The following FHOD1 variants were observed in gnomAD, a reference collection of about 807,000 sequenced individuals.
FHOD1 encodes the protein FH1/FH2 domain-containing protein 1.
FHOD1 carries 89 observed loss-of-function variants against 111.6 expected under a neutral mutation model. The observed-to-expected ratio is 0.80, with a 90% CI of 0.67 to 0.95. The LOEUF (loss-of-function observed/expected upper bound fraction) is 0.95, where lower values mean the gene tolerates loss of function less well. Among genes scored for constraint, FHOD1 ranks in the 40% least tolerant of loss-of-function variants. The pLI, the probability that FHOD1 is intolerant of heterozygous loss-of-function variation, is 0.00. For synonymous variants in FHOD1, 618 were observed against 639.0 expected, an observed-to-expected ratio of 0.97 and a Z score of 0.50; for missense variants, 1,446 against 1,554.2, an observed-to-expected ratio of 0.93 and a Z score of 1.17.
rs761208251 is a variant in FHOD1 at position 67,229,854 on chromosome 16, C to G, written c.3351G>C (p.Lys1117Asn). 9 of 1,614,220 alleles carry G rather than the reference C, an allele frequency of 5.6e-6. No individual in the cohort carries two copies. Among genetic ancestry groups the G allele is most frequent in the Non-Finnish European group, 6.8e-6 (8 of 1,180,032 alleles). ...TAGCAGCTAAGGCACGAGGACTGCTCTTGGTCACTGACTGCACCAGAAGGT... is the reference window on the plus strand; with the variant it reads ...TAGCAGCTAAGGCACGAGGACTGCTGTTGGTCACTGACTGCACCAGAAGGT... ...IMDLLVQSVT[K>N]SSPRALAARE... Residue 1117 changes from lysine (K) to asparagine (N), a missense_variant, in exon 21 of 22, where the codon AAG (lysine) becomes AAC (asparagine). Physicochemically the swap from Lys to Asn is moderately conservative, Grantham distance 94 (BLOSUM62 0). Transcript: ENST00000258201.
At chr16:67,243,478 T>G (rs2034723764) in intron 1 of FHOD1, among the ~76,000 whole-genome samples, 2 of 152,090 alleles carry the variant, frequency 1.3e-5, no homozygotes, top group East Asian at 3.9e-4. Flanking sequence ...CTTCCCAAAG[T>G]GCTGAGATTA....
rs1416777974 is a variant in FHOD1 at position 67,236,735 on chromosome 16, TGA to T, written c.1143-4_1143-3del. 1 of 1,462,282 alleles carries T rather than the reference TGA, an allele frequency of 6.8e-7. No homozygotes were observed. The highest frequency in any genetic ancestry group is 9.0e-7 in the Non-Finnish European group (1 of 1,105,434). The allele number at this position is 1,462,282 out of a possible 1,614,324, so 90.6% of individuals were successfully genotyped here. A position where few individuals can be genotyped will look rare whatever the true frequency, so the allele number is the denominator to read the frequency against. Reference sequence around the variant, plus strand: ...ACCGGTGAGGCGGGGCCTGTGGGGCTGAAAGCAGGGGCTGTCAGTGGGGCGGG... The same window carrying T: ...ACCGGTGAGGCGGGGCCTGTGGGGCTAAGCAGGGGCTGTCAGTGGGGCGGG... On this transcript the variant is annotated splice_region_variant and splice_polypyrimidine_tract_variant and intron_variant, in intron 10 of 21. Transcript: ENST00000258201.
In FHOD1 at chr16:67,231,663, T is replaced by C; in HGVS notation, c.2359A>G (p.Lys787Glu). The C allele has an allele frequency of 2.5e-6, 4 of 1,614,124 alleles. No homozygotes were observed. The highest frequency in any genetic ancestry group is 3.4e-6 in the Non-Finnish European group (4 of 1,180,004). ...LAARLQLWAF[K>E]LDYDSMEREI... Reference sequence around the variant, plus strand: ...CGCTCCATGCTGTCATAGTCCAGCTTGAAGGCCCAGAGTTGTAGACGAGCA... The same window carrying C: ...CGCTCCATGCTGTCATAGTCCAGCTCGAAGGCCCAGAGTTGTAGACGAGCA... Residue 787 changes from lysine to glutamate, a missense_variant, in exon 15 of 22, where the codon AAG becomes GAG. By Grantham distance (56) the Lys-to-Glu change is moderately conservative (BLOSUM62 1). Transcript: ENST00000258201. This position sits in a 1 kb window ranked among gnomAD's most constrained non-coding sequence, Gnocchi z 4.3.
intron 2 of FHOD1, 68 bp downstream of exon 2, chr16:67,239,280 C>T: frequency 1.6e-6 from 2 of 1,223,492 alleles, no homozygotes; most frequent in Non-Finnish European, 2.4e-6. Flanking sequence ...GTCTCAGCTG[C>T]TGACATTTGA....
chr16:67,229,975 C>T lies in FHOD1; in HGVS notation c.3230G>A (p.Ser1077Asn). ...NRRSRGMVQSSSPIMPTVGPS... is the reference protein window; with the variant it reads ...NRRSRGMVQSNSPIMPTVGPS... ...CCCCACTGTGGGCATGATTGGGGAGCTGCTCTGGACCATGCCTGAGGAAGG... is the reference window on the plus strand; with the variant it reads ...CCCCACTGTGGGCATGATTGGGGAGTTGCTCTGGACCATGCCTGAGGAAGG... The change falls in exon 21 of 22, where the codon AGC becomes AAC. Residue 1077 changes from serine to asparagine, a missense_variant. Ser to Asn is a conservative substitution (Grantham distance 46). This residue lies in a region of FHOD1 where 1,085 missense variants were observed against 1,108.8 expected (regional missense o/e 0.98). Transcript: ENST00000258201. 4 of 1,614,078 alleles carry T rather than the reference C, an allele frequency of 2.5e-6. No individual in the cohort carries two copies. Among genetic ancestry groups the T allele is most frequent in the Non-Finnish European group, 3.4e-6 (4 of 1,179,948 alleles).
intron 13 of FHOD1, 136 bp from the exon 14 acceptor site, chr16:67,232,330 A>C (rs1214312760): frequency 1.4e-6 from 1 of 740,728 alleles, no homozygotes; most frequent in Non-Finnish European, 2.2e-6. Flanking sequence ...ATCCTGGCTA[A>C]CATGGTGAAA....
rs768133756 is a variant in FHOD1 at position 67,230,633 on chromosome 16, C to T, written c.2826G>A (p.Met942Ile). ...FLDQCARRVAMLRIVHRRVCN... is the reference protein window; with the variant it reads ...FLDQCARRVAILRIVHRRVCN... Reference sequence around the variant, plus strand: ...AGACACGGCGGTGCACTATCCTTAGCATGGCAACACGGCGGGCACACTGGT... The same window carrying T: ...AGACACGGCGGTGCACTATCCTTAGTATGGCAACACGGCGGGCACACTGGT... Residue 942 changes from methionine to isoleucine, a missense_variant, in exon 18 of 22, where the codon ATG becomes ATA. Transcript: ENST00000258201. 9 of 1,614,066 alleles carry T rather than the reference C, an allele frequency of 5.6e-6. No homozygotes were observed. The East Asian group carries it at 6.7e-5, about 12-fold the overall frequency.
Position 67,229,443 on chromosome 16 carries a change from C to T in FHOD1, c.*193G>A. On this transcript the variant is annotated 3_prime_UTR_variant, in exon 22 of 22. Transcript: ENST00000258201. Reference sequence around the variant, plus strand: ...TCCGTGCGTTCAAGGAGCTCACACACATGCACATGCATATGCATGCACACA... The same window carrying T: ...TCCGTGCGTTCAAGGAGCTCACACATATGCACATGCATATGCATGCACACA... 1.6e-6 allele frequency: 1 copy of T among 617,818 alleles called. No homozygotes were observed. Among genetic ancestry groups the T allele is most frequent in the South Asian group, 2.0e-5 (1 of 50,536 alleles). The allele number at this position is 617,818 out of a possible 1,614,324, so 38.3% of individuals were successfully genotyped here.
At position 67,236,996 on chromosome 16, in the gene FHOD1, C is replaced by A. The variant is rs1459156698; in HGVS notation, c.1112G>T (p.Gly371Val). Residue 371 changes from glycine (G) to valine (V), a missense_variant, in exon 10 of 22, where the codon GGG (glycine) becomes GTG (valine). Physicochemically the swap from Gly to Val is moderately radical, Grantham distance 109 (BLOSUM62 -3). Around this residue, in one of 3 missense-constraint regions of FHOD1, gnomAD observed 1,085 missense variants for 1,108.8 expected, o/e 0.98. Transcript: ENST00000258201. ...TTCCGGGGCACGCGCGGGGCAGCCC[C>A]CGCCTTCCAGAGAACGGCGGCTCCT... ...GKRSRRSLEG[G>V]GCPARAPEPG... is the part of the protein sequence containing the mutation. 6.2e-7 allele frequency: 1 copy of A among 1,606,356 alleles called. No homozygotes were observed.
At chr16:67,240,406 A>T (rs935206661) in intron 1 of FHOD1, among the ~76,000 whole-genome samples, 1 of 152,174 alleles carries the variant, frequency 6.6e-6, no homozygotes, top group African/African-American at 2.4e-5. Context: ...GGTGCCTGTA[A>T]TCCCAGCTAC....
rs762338119 is a variant in FHOD1 at position 67,238,145 on chromosome 16, G to A, written c.548-17C>T. 6.2e-7 allele frequency: 1 copy of A among 1,614,180 alleles called. No individual in the cohort carries two copies. Among genetic ancestry groups the A allele is most frequent in the East Asian group, 2.2e-5 (1 of 44,888 alleles). On this transcript the variant is annotated splice_polypyrimidine_tract_variant and intron_variant, in intron 5 of 21. Coordinates refer to ENST00000258201, the MANE Select transcript of FHOD1 (RefSeq NM_013241.3). The surrounding 1 kb of genome is among the most constrained non-coding windows in gnomAD (Gnocchi z 4.2). The stretch of plus-strand genomic sequence containing the variant: ...GGCCGAGCGCTGGGGAAACAGGGAT[G>A]GGCAGAGTCAGCGAGGGTCGCTGGA...
intron 1 of FHOD1, 161 bp downstream of exon 1, chr16:67,247,049 T>A: frequency 1.3e-6 from 1 of 775,062 alleles, no homozygotes; most frequent in Non-Finnish European, 1.9e-6. Context: ...GAGAGGGGAC[T>A]CCCCCGCAGG....
rs775432050 is a variant in FHOD1, at chr16:67,237,346, C to T, written c.886G>A (p.Asp296Asn). 1.2e-6 allele frequency: 2 copies of T among 1,614,108 alleles called. No homozygotes were observed. The highest frequency in any genetic ancestry group is 1.7e-5 in the Admixed American group (1 of 60,030). ...AALPDQDSFY[D>N]VTDALEQQGM... ...TGCTGCTCCAGTGCATCCGTCACAT[C>T]GTAGAAGGAGTCCTGGTCCGGGAGC... The change falls in exon 9 of 22, where the codon GAT becomes AAT. Residue 296 changes from aspartate to asparagine, a missense_variant. Physicochemically the swap from Asp to Asn is conservative, Grantham distance 23 (BLOSUM62 1). Coordinates refer to ENST00000258201, the MANE Select transcript of FHOD1 (RefSeq NM_013241.3). The surrounding 1 kb of genome is among the most constrained non-coding windows in gnomAD (Gnocchi z 5.6).
At position 67,229,778 on chromosome 16, in the gene FHOD1, T is replaced by C; in HGVS notation, c.3412+15A>G. The stretch of plus-strand genomic sequence containing the variant: ...GGGGTTCAGGTGGGCAGTGGGATTG[T>C]GGGGGGTTACTTACAAGACTTGCGG... On this transcript the variant is annotated intron_variant, in intron 21 of 21. Coordinates refer to ENST00000258201, the MANE Select transcript of FHOD1 (RefSeq NM_013241.3). 6.2e-7 allele frequency: 1 copy of C among 1,614,028 alleles called. No individual in the cohort carries two copies. The highest frequency in any genetic ancestry group is 8.5e-7 in the Non-Finnish European group (1 of 1,179,962).
intron 1 of FHOD1, among the ~76,000 whole-genome samples, chr16:67,246,307 G>A (rs1328379695): frequency 6.6e-6 from 1 of 152,192 alleles, no homozygotes; most frequent in African/African-American, 2.4e-5. Flanking sequence ...GGAGGCGGCC[G>A]GGCTGGTGGG....
rs528427631 is a variant in FHOD1, at chr16:67,231,288, C to T, written c.2567G>A (p.Arg856Gln). Reference protein sequence around the residue: ...KVSEVKDTVRRQSLLHHLCSL... With the variant: ...KVSEVKDTVRQQSLLHHLCSL... ...GCAGAGATGGTGTAGCAGTGACTGT[C>T]GACGCACCGTGTCCTTCACCTCTGA... Residue 856 changes from arginine to glutamine, a missense_variant, in exon 17 of 22, where the codon CGA becomes CAA. Coordinates refer to ENST00000258201, the MANE Select transcript of FHOD1 (RefSeq NM_013241.3). This position sits in a 1 kb window ranked among gnomAD's most constrained non-coding sequence, Gnocchi z 4.3. 10 of 1,614,106 alleles carry T rather than the reference C, an allele frequency of 6.2e-6. No homozygotes were observed. The highest frequency in any genetic ancestry group is 2.2e-5 in the South Asian group (2 of 91,080).
At chr16:67,234,867 T>C (rs766396889) in intron 11 of FHOD1, 7 of 165,596 alleles carry the variant, frequency 4.2e-5, no homozygotes, top group Non-Finnish European at 7.8e-5. Context: ...TCTCCTGGGC[T>C]TGACCCTCAG....
chr16:67,236,831 G>A, intron 10 of FHOD1, 98 bp from the exon 11 acceptor site: 3 of 1,260,348 alleles, frequency 2.4e-6, no homozygotes, highest in East Asian at 2.7e-5. Context: ...GGGCATGTCG[G>A]TAGGGCAGGC....
In FHOD1 at chr16:67,237,896, G is replaced by T; in HGVS notation, c.643-128C>A. 1 of 1,300,100 alleles carries T rather than the reference G, an allele frequency of 7.7e-7. No homozygotes were observed. The highest frequency in any genetic ancestry group is 1.1e-6 in the Non-Finnish European group (1 of 909,974). 80.5% of individuals were successfully genotyped at this position (1,300,100 alleles called of 1,614,324 possible). A position where few individuals can be genotyped will look rare whatever the true frequency, so the allele number is the denominator to read the frequency against. On this transcript the variant is annotated intron_variant, in intron 6 of 21. Transcript: ENST00000258201. The surrounding 1 kb of genome is among the most constrained non-coding windows in gnomAD (Gnocchi z 5.6). The stretch of plus-strand genomic sequence containing the variant: ...CTAGGCAGAATGACCCTGGCCCCAG[G>T]CCCAGGCACTGAAGTGCCTTATAGG...
Sources: gnomAD v4.1 joint callset for allele counts (sites outside exome capture counted in the v4.1 genomes callset) on GRCh38, gnomAD v4.1.1 for gene constraint, gnomAD v4.1.1 regional missense constraint, Gnocchi (gnomAD v3.1) non-coding constraint, MANE v1.5 for transcripts, NCBI Gene and HGNC (gene_info 2026-07-23, HGNC 2026-07-21) for gene names.